The following HMGXB4 variants were observed in gnomAD, a reference collection of about 807,000 sequenced individuals.
The protein encoded by HMGXB4 is HMG domain-containing protein 4.
HMGXB4 carries 27 observed loss-of-function variants against 63.9 expected under a neutral mutation model. That is an observed-to-expected ratio of 0.42 (90% CI 0.31 to 0.58). The LOEUF is 0.58. HMGXB4 is among the 20% of genes least tolerant of loss of function. The pLI, the probability that HMGXB4 is intolerant of heterozygous loss-of-function variation, is 0.13. For missense variants in HMGXB4, 624 were observed against 700.7 expected (o/e 0.89, Z 1.24); for synonymous variants, 264 against 265.3 (o/e 0.99, Z 0.05).
chr22:35,283,927 A>G (rs375218039), intron 5 of HMGXB4, 35 bp from the exon 6 acceptor site: 21 of 1,506,380 alleles, frequency 1.4e-5, no homozygotes, highest in Non-Finnish European at 1.8e-5. Context: ...GTTCTAATCA[A>G]GTCTTACCCT....
intron 5 of HMGXB4, among the ~76,000 whole-genome samples, chr22:35,272,834 T>C (rs1923688119): frequency 6.6e-6 from 1 of 152,176 alleles, no homozygotes; most frequent in Admixed American, 6.5e-5. Flanking sequence ...CTCAGGAGGC[T>C]GAGGCAGGAG....
intron 1 of HMGXB4, among the ~76,000 whole-genome samples, chr22:35,257,895 G>C (rs1327888672): frequency 6.6e-6 from 1 of 152,004 alleles, no homozygotes; most frequent in African/African-American, 2.4e-5. Context: ...CTCCGCCCTC[G>C]GGGGCGCCGT....
intron 3 of HMGXB4, 77 bp downstream of exon 3, chr22:35,263,303 T>C (rs939641907): frequency 5.8e-6 from 7 of 1,201,218 alleles, no homozygotes; most frequent in Non-Finnish European, 8.2e-6. Flanking sequence ...TTTTTTTGTT[T>C]TTTTTTTTTT....
intron 5 of HMGXB4, among the ~76,000 whole-genome samples, chr22:35,278,094 C>T (rs1018999093): frequency 1.3e-5 from 2 of 152,244 alleles, no homozygotes; most frequent in Non-Finnish European, 2.9e-5. Context: ...TAGTTGGAAT[C>T]ATACAGTATC....
intron 5 of HMGXB4, among the ~76,000 whole-genome samples, chr22:35,269,255 G>A (rs1923452531): frequency 1.3e-5 from 2 of 152,208 alleles, no homozygotes; most frequent in Non-Finnish European, 2.9e-5. Flanking sequence ...GCATGCGCCT[G>A]TAATCTCAGC....
At chr22:35,290,810 G>T (rs1316451727) in intron 9 of HMGXB4, among the ~76,000 whole-genome samples, 1 of 151,652 alleles carries the variant, frequency 6.6e-6, no homozygotes, top group African/African-American at 2.4e-5. Flanking sequence ...AAACTTGTCT[G>T]TGCTTTTACA....
chr22:35,269,158 C>G (rs1357586159), intron 5 of HMGXB4, among the ~76,000 whole-genome samples: 1 of 152,188 alleles, frequency 6.6e-6, no homozygotes, highest in Non-Finnish European at 1.5e-5. Flanking sequence ...AGGTAGATCA[C>G]TTGAGGTCAG....
At chr22:35,258,061 TTTC>T (rs1179877145) in intron 1 of HMGXB4, 4 of 152,268 alleles carry the variant, frequency 2.6e-5, no homozygotes, top group East Asian at 1.9e-4. Flanking sequence ...TACGAGGAGC[TTTC>T]TTCTTTTCCT....
the HMGXB4 span, among the ~76,000 whole-genome samples, chr22:35,251,078 G>GTT: frequency 5.5e-5 from 8 of 145,224 alleles, no homozygotes; most frequent in African/African-American, 1.3e-4. Flanking sequence ...CTTTCTTTCT[G>GTT]TTTTTTTTTT....
intron 1 of HMGXB4, among the ~76,000 whole-genome samples, chr22:35,259,271 G>C (rs1001812028): frequency 1.3e-5 from 2 of 152,144 alleles, no homozygotes; most frequent in African/African-American, 4.8e-5. Flanking sequence ...TACTTATGTT[G>C]TCATATCTTA....
Position 35,269,375 on chromosome 22 carries a change from C to T in HMGXB4, c.1215+3772C>T, listed in dbSNP as rs565025982. ...CCTGGGTGACAGTGTGAGACTGTCT[C>T]AAAACAAACAAACAAAATAGAATTC... On this transcript the variant is annotated intron_variant, in intron 5 of 10. Coordinates refer to ENST00000216106, the MANE Select transcript of HMGXB4 (RefSeq NM_001003681.3). Among the ~76,000 whole-genome samples the T allele has an allele frequency of 5.3e-5, 8 of 152,228 alleles. No individual in the cohort carries two copies. In the East Asian group the frequency reaches 1.5e-3, roughly 29 times the overall value.
intron 5 of HMGXB4, among the ~76,000 whole-genome samples, chr22:35,267,345 T>C (rs1311504902): frequency 1.3e-5 from 2 of 152,160 alleles, no homozygotes; most frequent in Non-Finnish European, 2.9e-5. Context: ...ATGTGTTCTT[T>C]ATAAGATTCT....
intron 5 of HMGXB4, among the ~76,000 whole-genome samples, chr22:35,278,387 G>C (rs949734962): frequency 6.6e-6 from 1 of 152,182 alleles, no homozygotes; most frequent in African/African-American, 2.4e-5. Flanking sequence ...ACAGCTGATG[G>C]ATTATATGTT....
At chr22:35,257,845 G>T (rs113474591) in intron 1 of HMGXB4, among the ~76,000 whole-genome samples, 1 of 151,932 alleles carries the variant, frequency 6.6e-6, no homozygotes, top group African/African-American at 2.4e-5. Context: ...CGCCCCGGGG[G>T]CCTGCGGACC....
chr22:35,251,249 G>GT, the HMGXB4 span, among the ~76,000 whole-genome samples: 1 of 151,880 alleles, frequency 6.6e-6, no homozygotes, highest in Non-Finnish European at 1.5e-5. Flanking sequence ...TAATTTTTTT[G>GT]TATTTTTAGT....
intron 1 of HMGXB4, 88 bp from the exon 2 acceptor site, chr22:35,262,235 C>T (rs949134754): frequency 2.7e-6 from 2 of 729,404 alleles, no homozygotes; most frequent in African/African-American, 1.8e-5. Context: ...TCCAGTCAGC[C>T]CTTGGATCAC....
upstream of HMGXB4, among the ~76,000 whole-genome samples, chr22:35,257,287 G>A (rs1243439626): frequency 6.6e-6 from 1 of 152,232 alleles, no homozygotes; most frequent in African/African-American, 2.4e-5. Context: ...GGAATACAGT[G>A]AGGATTAAGT....
chr22:35,284,538 CACTT>C (rs1414116168), intron 6 of HMGXB4, among the ~76,000 whole-genome samples: 1 of 152,206 alleles, frequency 6.6e-6, no homozygotes, highest in African/African-American at 2.4e-5. Flanking sequence ...GTGCTCAAGA[CACTT>C]ACATTTGCAT....
intron 10 of HMGXB4, among the ~76,000 whole-genome samples, 160 bp downstream of exon 10, chr22:35,293,274 A>T (rs1312343610): frequency 6.6e-6 from 1 of 152,246 alleles, no homozygotes; most frequent in Non-Finnish European, 1.5e-5. Context: ...TGCATGCTGT[A>T]CTTTCACTGA....
Sources: gnomAD v4.1 joint callset for allele counts (sites outside exome capture counted in the v4.1 genomes callset) on GRCh38, gnomAD v4.1.1 for gene constraint, MANE v1.5 for transcripts, NCBI Gene and HGNC (gene_info 2026-07-23, HGNC 2026-07-21) for gene names.